The following SLC8A1 variants were observed in gnomAD, a reference collection of about 807,000 sequenced individuals.
SLC8A1 encodes solute carrier family 8 member A1.
In SLC8A1, 18 loss-of-function variants were observed where a neutral mutation model predicts 68.3. The ratio of observed to expected loss-of-function variants is 0.26; its 90% CI spans 0.18 to 0.39. The LOEUF is 0.39. Ranked by LOEUF, SLC8A1 falls within the 10% of genes least tolerant of loss-of-function variation. The pLI is 1.00. For synonymous variants in SLC8A1, 475 were observed against 415.5 expected (o/e 1.14, Z -1.74); for missense variants, 985 against 1,156.7 (o/e 0.85, Z 2.15).
chr2:40,343,932 A>G (rs1355265935), intron 2 of SLC8A1, among the ~76,000 whole-genome samples: 1 of 152,196 alleles, frequency 6.6e-6, no homozygotes, highest in Non-Finnish European at 1.5e-5. Flanking sequence ...TCCATTCAAT[A>G]ATCAATTGAA....
intron 2 of SLC8A1, among the ~76,000 whole-genome samples, chr2:40,375,898 G>C (rs1215696757): frequency 1.3e-5 from 2 of 152,028 alleles, no homozygotes; most frequent in Non-Finnish European, 2.9e-5. Flanking sequence ...GCTACTCAGA[G>C]GCTGACATGG....
chr2:40,407,699 C>G (rs766918035), intron 2 of SLC8A1, among the ~76,000 whole-genome samples: 1 of 152,192 alleles, frequency 6.6e-6, no homozygotes, highest in Non-Finnish European at 1.5e-5. Flanking sequence ...AAGACATCCT[C>G]TATCTTGTTT....
intron 2 of SLC8A1, chr2:40,254,751 T>C (rs2063606319): frequency 1.3e-5 from 2 of 152,224 alleles, no homozygotes; most frequent in African/African-American, 4.8e-5. Context: ...GATTAACTTC[T>C]GCCAGCATAT....
At chr2:40,151,689 A>G (rs1242839281) in intron 6 of SLC8A1, among the ~76,000 whole-genome samples, 3 of 152,188 alleles carry the variant, frequency 2.0e-5, no homozygotes, top group African/African-American at 4.8e-5. Context: ...GTGCTTTCCA[A>G]TGGCCAAAGC....
intron 7 of SLC8A1, among the ~76,000 whole-genome samples, chr2:40,128,298 A>C (rs1269287892): frequency 6.6e-6 from 1 of 152,182 alleles, no homozygotes; most frequent in Non-Finnish European, 1.5e-5. Context: ...CATGGCAATG[A>C]AGTTTTGCTT....
At chr2:40,360,755 C>A (rs1362099132) in intron 2 of SLC8A1, among the ~76,000 whole-genome samples, 1 of 152,134 alleles carries the variant, frequency 6.6e-6, no homozygotes, top group Non-Finnish European at 1.5e-5. Context: ...GAGACAGAGC[C>A]CACTACTCCA....
At chr2:40,122,844 T>C (rs747381657) in intron 7 of SLC8A1, among the ~76,000 whole-genome samples, 1 of 152,246 alleles carries the variant, frequency 6.6e-6, no homozygotes, top group South Asian at 2.1e-4. Context: ...CATTTTTGCA[T>C]GTTAACTTGA....
At chr2:40,486,942 C>A (rs1050506119) in intron 1 of SLC8A1, among the ~76,000 whole-genome samples, 18 of 143,220 alleles carry the variant, frequency 1.3e-4, no homozygotes, top group Non-Finnish European at 2.2e-4. Flanking sequence ...ATTGCAAGGA[C>A]AGAAAATCAA....
At chr2:40,319,227 G>A (rs2074884305) in intron 2 of SLC8A1, among the ~76,000 whole-genome samples, 1 of 152,036 alleles carries the variant, frequency 6.6e-6, no homozygotes, top group East Asian at 1.9e-4. Flanking sequence ...TTCCTAAATA[G>A]AACACTTAAC....
chr2:40,326,388 T>C (rs930355797), intron 2 of SLC8A1, among the ~76,000 whole-genome samples: 4 of 151,942 alleles, frequency 2.6e-5, no homozygotes, highest in African/African-American at 9.7e-5. Context: ...AAAATAGTCA[T>C]AGCTTTTGAA....
At chr2:40,264,486 G>A (rs1351394605) in intron 2 of SLC8A1, among the ~76,000 whole-genome samples, 1 of 152,156 alleles carries the variant, frequency 6.6e-6, no homozygotes, top group Non-Finnish European at 1.5e-5. Flanking sequence ...TTAAGAAGAT[G>A]TGGCACATAT....
Position 40,139,387 on chromosome 2 carries a change from AAT to A in SLC8A1, c.2437+12_2437+13del. On this transcript the variant is annotated intron_variant, in intron 7 of 7. Transcript: ENST00000406785. ...TCTGCTACTGGGGGAATTATACATG[AAT>A]GTAATTTGTACCTGGCACTGATGTT... 1 of 1,613,340 alleles carries A rather than the reference AAT, an allele frequency of 6.2e-7. No homozygotes were observed. The highest frequency in any genetic ancestry group is 8.5e-7 in the Non-Finnish European group (1 of 1,179,420).
intron 2 of SLC8A1, among the ~76,000 whole-genome samples, chr2:40,252,388 A>C (rs546984313): frequency 6.6e-6 from 1 of 152,224 alleles, no homozygotes; most frequent in East Asian, 1.9e-4. Context: ...GCTGGAGTGC[A>C]GTGGCATGAT....
At chr2:40,413,526 C>CT (rs1692846134) in intron 2 of SLC8A1, among the ~76,000 whole-genome samples, 1 of 152,060 alleles carries the variant, frequency 6.6e-6, no homozygotes, top group African/African-American at 2.4e-5. Flanking sequence ...AAGCAGAGCC[C>CT]TTTTTTCTTA....
intron 2 of SLC8A1, among the ~76,000 whole-genome samples, chr2:40,377,548 G>T (rs1303302184): frequency 6.6e-6 from 1 of 152,102 alleles, no homozygotes; most frequent in Non-Finnish European, 1.5e-5. Context: ...GTGTGCTTCA[G>T]ATGCCAACTC....
intron 2 of SLC8A1, among the ~76,000 whole-genome samples, chr2:40,324,893 T>A (rs962246017): frequency 1.3e-5 from 2 of 152,212 alleles, no homozygotes; most frequent in African/African-American, 4.8e-5. Flanking sequence ...TGTTTCCAGA[T>A]GACCTCCTTG....
At chr2:40,361,121 A>G (rs910320522) in intron 2 of SLC8A1, among the ~76,000 whole-genome samples, 1 of 152,152 alleles carries the variant, frequency 6.6e-6, no homozygotes, top group Non-Finnish European at 1.5e-5. Flanking sequence ...AGATTTCCCA[A>G]CAGCAGAAAC....
chr2:40,436,676 A>G (rs1419526102), intron 1 of SLC8A1, among the ~76,000 whole-genome samples: 1 of 152,192 alleles, frequency 6.6e-6, no homozygotes, highest in Non-Finnish European at 1.5e-5. Flanking sequence ...TTCAAGCACA[A>G]CAAAAATCAC....
chr2:40,388,228 C>T (rs1684202280), intron 2 of SLC8A1, among the ~76,000 whole-genome samples: 2 of 152,016 alleles, frequency 1.3e-5, no homozygotes. Flanking sequence ...CATAAAAGTG[C>T]TTAAACTTGA....
Sources: allele counts gnomAD v4.1 joint callset (sites outside exome capture counted in the v4.1 genomes callset), GRCh38; gene constraint gnomAD v4.1.1; transcripts MANE v1.5; gene names NCBI Gene and HGNC (gene_info 2026-07-23, HGNC 2026-07-21).